PRDM6: variants seen among roughly 807,000 people sequenced by gnomAD.
The protein encoded by PRDM6 is PR/SET domain 6, also known as putative histone-lysine N-methyltransferase PRDM6.
In PRDM6, 25 loss-of-function variants were observed where a neutral mutation model predicts 60.8. The ratio of observed to expected loss-of-function variants is 0.41; its 90% confidence interval spans 0.30 to 0.57. The LOEUF (loss-of-function observed/expected upper bound fraction) is 0.57. Among genes scored for constraint, PRDM6 ranks in the 20% least tolerant of loss-of-function variants. The probability of loss-of-function intolerance (pLI) is 0.27; values close to 1 mark genes in which losing one functional copy is unlikely to be tolerated. For missense variants in PRDM6, 839 were observed against 821.3 expected (o/e 1.02, Z -0.26); for synonymous variants, 407 against 357.4 (o/e 1.14, Z -1.57).
intron 3 of PRDM6, among the ~76,000 whole-genome samples, chr5:123,129,253 T>C (rs1013587839): frequency 6.6e-6 from 1 of 152,206 alleles, no homozygotes. Context: ...GCGGGCTCTT[T>C]TTTGCTTCCA....
intron 3 of PRDM6, among the ~76,000 whole-genome samples, chr5:123,129,039 A>G (rs908597905): frequency 3.3e-5 from 5 of 151,992 alleles, no homozygotes; most frequent in Non-Finnish European, 4.4e-5. Flanking sequence ...CCCATTTCTT[A>G]TTTTTGTCAG....
intron 5 of PRDM6, among the ~76,000 whole-genome samples, chr5:123,169,534 G>A (rs902243178): frequency 1.3e-5 from 2 of 152,160 alleles, no homozygotes; most frequent in Admixed American, 1.3e-4. Context: ...TGTAAAAGGG[G>A]ACTTTAAAGA....
intron 3 of PRDM6, among the ~76,000 whole-genome samples, chr5:123,112,982 A>T (rs1159415498): frequency 1.3e-5 from 2 of 152,082 alleles, no homozygotes; most frequent in African/African-American, 4.8e-5. Flanking sequence ...GCTAAAATGG[A>T]TCTTTTCCTG....
rs149916080 is a variant in PRDM6 at position 123,144,846 on chromosome 5, C to T, written c.901-11038C>T. ...TAGCTGTTTTGGCTCACTCACAGAG[C>T]AGAGAGACATGGCCCGGCCCTTAAT... On this transcript the variant is annotated intron_variant, in intron 3 of 7. Transcript: ENST00000407847. 9.5e-4 allele frequency among the ~76,000 whole-genome samples: 145 copies of T among 152,266 alleles called. 1 individual carries two copies. Among genetic ancestry groups the T allele is most frequent in the African/African-American group, 3.4e-3 (141 of 41,556 alleles).
chr5:123,156,317 G>A (rs1265908808), intron 4 of PRDM6, among the ~76,000 whole-genome samples: 20 of 152,094 alleles, frequency 1.3e-4, no homozygotes, highest in Admixed American at 1.2e-3. Flanking sequence ...CACTGACTTG[G>A]GGTGCTTTTC....
Position 123,187,193 on chromosome 5 carries a change from G to C in PRDM6, c.1780G>C (p.Val594Leu). 1 of 1,548,408 alleles carries C rather than the reference G, an allele frequency of 6.5e-7. No homozygotes were observed. The highest frequency in any genetic ancestry group is 8.7e-7 in the Non-Finnish European group (1 of 1,144,102). ...PITESPESIE[V>L]D ...AACTGAGAGCCCAGAATCAATCGAA[G>C]TGGATTAACGGATTGACTGGTTGGA... The change falls in exon 8 of 8, where the codon GTG (valine) becomes CTG (leucine). Residue 594 changes from valine (V) to leucine (L), a missense_variant. Coordinates refer to ENST00000407847, the MANE Select transcript of PRDM6 (RefSeq NM_001136239.4).
chr5:123,130,298 C>G (rs1279887618), intron 3 of PRDM6, among the ~76,000 whole-genome samples: 4 of 93,154 alleles, frequency 4.3e-5, no homozygotes, highest in Admixed American at 1.1e-4. Flanking sequence ...CTTCCCTCCC[C>G]TCCCGTCCCC....
chr5:123,089,703 G>A (rs527621037), intron 1 of PRDM6, among the ~76,000 whole-genome samples, 184 bp downstream of exon 1: 22 of 152,304 alleles, frequency 1.4e-4, no homozygotes, highest in African/African-American at 4.8e-4. Context: ...CGGGGGCTGC[G>A]TCCTGCAGCC....
intron 3 of PRDM6, among the ~76,000 whole-genome samples, chr5:123,116,689 T>C (rs1764457412): frequency 6.6e-6 from 1 of 152,188 alleles, no homozygotes; most frequent in Non-Finnish European, 1.5e-5. Flanking sequence ...TTGAAAACCT[T>C]TTCCAAGTCC....
At chr5:123,155,300 A>G (rs1389915284) in intron 3 of PRDM6, among the ~76,000 whole-genome samples, 1 of 125,808 alleles carries the variant, frequency 7.9e-6, no homozygotes, top group Non-Finnish European at 1.6e-5. Context: ...CTCCTCTCCT[A>G]CTAGTTTCAG....
intron 3 of PRDM6, among the ~76,000 whole-genome samples, chr5:123,117,307 A>G (rs1012865184): frequency 6.6e-6 from 1 of 152,140 alleles, no homozygotes; most frequent in Admixed American, 6.5e-5. Flanking sequence ...ACATACCCAT[A>G]CCCAGGTTAT....
chr5:123,107,935 T>C (rs930989132), intron 3 of PRDM6, among the ~76,000 whole-genome samples: 3 of 152,226 alleles, frequency 2.0e-5, no homozygotes, highest in African/African-American at 7.2e-5. Flanking sequence ...ATATTTTCAG[T>C]CAGTGTCTTG....
intron 3 of PRDM6, among the ~76,000 whole-genome samples, chr5:123,150,974 T>C (rs943838287): frequency 6.6e-6 from 1 of 152,252 alleles, no homozygotes; most frequent in Non-Finnish European, 1.5e-5. Context: ...GAATCAAGGT[T>C]TAATTGCGTT....
chr5:123,100,349 C>G (rs1015849818), intron 3 of PRDM6, among the ~76,000 whole-genome samples: 4 of 152,196 alleles, frequency 2.6e-5, no homozygotes, highest in African/African-American at 9.7e-5. Flanking sequence ...AATGTTTGAG[C>G]TGGGTGACCT....
At position 123,099,663 on chromosome 5, in the gene PRDM6, T is replaced by C; in HGVS notation, c.602T>C (p.Met201Thr). The C allele has an allele frequency of 2.1e-6, 3 of 1,459,138 alleles. No homozygotes were observed. Among genetic ancestry groups the C allele is most frequent in the Non-Finnish European group, 2.7e-6 (3 of 1,102,030 alleles). 90.4% of individuals were successfully genotyped at this position (1,459,138 alleles called of 1,614,324 possible). ...HTSDPNNRCD[M>T]CADNRNGECP... Reference sequence around the variant, plus strand: ...TTCTTGTCTCCCGCAGGTTGCGACATGTGCGCGGACAACCGCAACGGCGAG... The same window carrying C: ...TTCTTGTCTCCCGCAGGTTGCGACACGTGCGCGGACAACCGCAACGGCGAG... Residue 201 changes from methionine to threonine, a missense_variant, in exon 3 of 8, where the codon ATG becomes ACG. By Grantham distance (81) the Met-to-Thr change is moderately conservative. Around this residue, in one of 2 missense-constraint regions of PRDM6, gnomAD observed 730 missense variants for 648.8 expected, o/e 1.13. Transcript: ENST00000407847. This position sits in a 1 kb window ranked among gnomAD's most constrained non-coding sequence, Gnocchi z 4.0.
intron 6 of PRDM6, 105 bp downstream of exon 6, chr5:123,171,213 T>A: frequency 1.1e-6 from 1 of 910,906 alleles, no homozygotes; most frequent in Non-Finnish European, 1.6e-6. Flanking sequence ...CTGTGATTTG[T>A]GGTGTCTGCA....
chr5:123,176,684 G>T (rs1766020719), intron 6 of PRDM6, among the ~76,000 whole-genome samples: 1 of 152,176 alleles, frequency 6.6e-6, no homozygotes, highest in South Asian at 2.1e-4. Flanking sequence ...CTGTACTCCA[G>T]CCTGGGCAAC....
chr5:123,157,868 G>A (rs991313758), intron 4 of PRDM6, among the ~76,000 whole-genome samples: 3 of 152,174 alleles, frequency 2.0e-5, no homozygotes, highest in Non-Finnish European at 4.4e-5. Flanking sequence ...AATGTTTATT[G>A]GCATGTGTTC....
intron 3 of PRDM6, among the ~76,000 whole-genome samples, chr5:123,100,250 G>T (rs1020412856): frequency 2.0e-5 from 3 of 152,210 alleles, no homozygotes; most frequent in Non-Finnish European, 2.9e-5. Flanking sequence ...CTCCATTCCA[G>T]CTGGAATGGA....
Sources: allele counts gnomAD v4.1 joint callset (sites outside exome capture counted in the v4.1 genomes callset), GRCh38; gene constraint gnomAD v4.1.1; regional missense constraint gnomAD v4.1.1; non-coding constraint Gnocchi (gnomAD v3.1); transcripts MANE v1.5; gene names NCBI Gene and HGNC (gene_info 2026-07-23, HGNC 2026-07-21).